Variants in MAGI2 observed in about 807,000 individuals in gnomAD.
MAGI2 encodes the protein membrane-associated guanylate kinase, WW and PDZ domain-containing protein 2.
In MAGI2, 35 loss-of-function variants were observed where a neutral mutation model predicts 133.3. That is an observed-to-expected ratio of 0.26 (90% CI 0.20 to 0.35). MAGI2 has a LOEUF of 0.35. Ranked by LOEUF, MAGI2 falls within the 10% of genes least tolerant of loss-of-function variation. MAGI2 has a pLI of 1.00. For missense variants in MAGI2, 1,636 were observed against 1,863.4 expected (o/e 0.88, Z 2.25); for synonymous variants, 729 against 710.6 (o/e 1.03, Z -0.41).
intron 3 of MAGI2, among the ~76,000 whole-genome samples, chr7:78,552,165 C>CAT: frequency 7.0e-6 from 1 of 142,022 alleles, no homozygotes; most frequent in African/African-American, 2.6e-5. Context: ...TTTAGGTAGA[C>CAT]ATTTGTTTTC....
At chr7:79,375,396 T>G (rs985734064) in intron 1 of MAGI2, among the ~76,000 whole-genome samples, 1 of 151,810 alleles carries the variant, frequency 6.6e-6, no homozygotes, top group Non-Finnish European at 1.5e-5. Flanking sequence ...AACTGAGAGC[T>G]CTCTTCGAAA....
At position 78,050,639 on chromosome 7, in the gene MAGI2, G is replaced by A. The variant is rs568762782; in HGVS notation, c.3706+28308C>T. On this transcript the variant is annotated intron_variant, in intron 21 of 21. Coordinates refer to ENST00000354212, the MANE Select transcript of MAGI2 (RefSeq NM_012301.4). The stretch of plus-strand genomic sequence containing the variant: ...GTTTCTCTCTCAGGTTTGCAGGTTA[G>A]GCTGGTCAGAAATGCTGTTTGTGTC... 9.2e-5 allele frequency among the ~76,000 whole-genome samples: 14 copies of A among 152,238 alleles called. 1 individual carries two copies. The South Asian group carries it at 2.3e-3, about 25-fold the overall frequency.
At chr7:78,594,616 C>T (rs1804401795) in intron 3 of MAGI2, among the ~76,000 whole-genome samples, 1 of 152,056 alleles carries the variant, frequency 6.6e-6, no homozygotes, top group South Asian at 2.1e-4. Flanking sequence ...CACCACCATG[C>T]CCAGCTAATT....
intron 2 of MAGI2, among the ~76,000 whole-genome samples, chr7:78,861,753 ATG>A (rs1455436835): frequency 6.6e-6 from 1 of 152,250 alleles, no homozygotes; most frequent in African/African-American, 2.4e-5. Flanking sequence ...ATACTATAAA[ATG>A]TCACATAAAT....
intron 1 of MAGI2, among the ~76,000 whole-genome samples, chr7:79,352,968 A>G (rs778556705): frequency 1.3e-5 from 2 of 151,996 alleles, no homozygotes; most frequent in Non-Finnish European, 2.9e-5. Flanking sequence ...GCCTTTACGT[A>G]CTTTAACTTA....
intron 2 of MAGI2, among the ~76,000 whole-genome samples, chr7:78,676,351 C>G (rs1028658200): frequency 1.3e-5 from 2 of 152,126 alleles, no homozygotes; most frequent in Admixed American, 6.6e-5. Flanking sequence ...TGTTTAGATT[C>G]TCACACTGTT....
chr7:79,392,089 A>T lies in MAGI2; in HGVS notation c.301+60931T>A, dbSNP rs1844700981. ...TGTTTTCATTGTTCAGCTACCACTT[A>T]TGAGTAAGAACATCTGGTGTTTGGC... On this transcript the variant is annotated intron_variant, in intron 1 of 21. Transcript: ENST00000354212. Among the ~76,000 whole-genome samples the T allele has an allele frequency of 2.0e-5, 3 of 152,008 alleles. No individual in the cohort carries two copies. The South Asian group carries it at 6.2e-4, about 32-fold the overall frequency.
At chr7:78,634,167 T>C (rs1809374414) in intron 2 of MAGI2, among the ~76,000 whole-genome samples, 1 of 152,202 alleles carries the variant, frequency 6.6e-6, no homozygotes, top group African/African-American at 2.4e-5. Context: ...TATAAATCCA[T>C]TTTGTCTGAT....
At chr7:78,946,236 G>A (rs1392414169) in intron 2 of MAGI2, among the ~76,000 whole-genome samples, 1 of 152,066 alleles carries the variant, frequency 6.6e-6, no homozygotes, top group Non-Finnish European at 1.5e-5. Context: ...GCAGACTTCA[G>A]TCTTCAGGCT....
At chr7:78,798,799 G>A (rs1488494727) in intron 2 of MAGI2, among the ~76,000 whole-genome samples, 1 of 152,158 alleles carries the variant, frequency 6.6e-6, no homozygotes, top group Non-Finnish European at 1.5e-5. Context: ...CTGAGCTCAA[G>A]TTGCTCATTT....
At chr7:79,044,213 A>G (rs2116932487) in intron 1 of MAGI2, among the ~76,000 whole-genome samples, 1 of 152,340 alleles carries the variant, frequency 6.6e-6, no homozygotes, top group Non-Finnish European at 1.5e-5. Flanking sequence ...ACAGCAGCAC[A>G]TAAAAAAGAT....
At chr7:79,334,177 T>A (rs1056920782) in intron 1 of MAGI2, among the ~76,000 whole-genome samples, 2 of 152,310 alleles carry the variant, frequency 1.3e-5, no homozygotes, top group East Asian at 1.9e-4. Context: ...CCAGTTCTTA[T>A]GTAACGTTAG....
At chr7:78,163,149 T>C (rs1365238217) in intron 15 of MAGI2, among the ~76,000 whole-genome samples, 4 of 152,144 alleles carry the variant, frequency 2.6e-5, no homozygotes, top group African/African-American at 9.7e-5. Flanking sequence ...TTTGTTTGTT[T>C]TGTTTTGAGA....
intron 3 of MAGI2, among the ~76,000 whole-genome samples, chr7:78,589,439 T>C (rs535028554): frequency 3.3e-5 from 5 of 152,348 alleles, no homozygotes; most frequent in African/African-American, 1.2e-4. Context: ...CTGGAGTCTA[T>C]GCACATAACT....
At chr7:78,790,298 TA>T (rs1386704141) in intron 2 of MAGI2, among the ~76,000 whole-genome samples, 1 of 152,116 alleles carries the variant, frequency 6.6e-6, no homozygotes, top group South Asian at 2.1e-4. Flanking sequence ...CTTGCTCTTT[TA>T]AAAAATACCA....
At chr7:79,031,738 A>T (rs139880292) in intron 1 of MAGI2, among the ~76,000 whole-genome samples, 87 of 152,324 alleles carry the variant, frequency 5.7e-4, no homozygotes, top group African/African-American at 1.9e-3. Context: ...TCCTATTAAT[A>T]ATAAAAAATT....
At chr7:78,230,957 A>G (rs1829993) in intron 10 of MAGI2, among the ~76,000 whole-genome samples, 70,560 of 151,958 alleles carry the variant, frequency 0.46, 16,699 homozygotes, top group East Asian at 0.53. Flanking sequence ...CTTGGGGAGG[A>G]TGGTCTTTAG....
At chr7:79,069,343 C>T (rs1268078399) in intron 1 of MAGI2, among the ~76,000 whole-genome samples, 8 of 152,114 alleles carry the variant, frequency 5.3e-5, no homozygotes, top group African/African-American at 9.7e-5. Flanking sequence ...GATCCCTTTG[C>T]CATTATATAA....
intron 1 of MAGI2, among the ~76,000 whole-genome samples, chr7:79,222,660 A>G (rs746847646): frequency 2.0e-5 from 3 of 152,134 alleles, no homozygotes; most frequent in Non-Finnish European, 4.4e-5. Flanking sequence ...TGGTCTTGGT[A>G]AAAACATAAA....
Sources: gnomAD v4.1 joint callset for allele counts (sites outside exome capture counted in the v4.1 genomes callset) on GRCh38, gnomAD v4.1.1 for gene constraint, MANE v1.5 for transcripts, NCBI Gene and HGNC (gene_info 2026-07-23, HGNC 2026-07-21) for gene names.